CDKAL1: variants seen among roughly 807,000 people sequenced by gnomAD.
CDKAL1 encodes CDKAL1 threonylcarbamoyladenosine tRNA methylthiotransferase.
CDKAL1 carries 32 observed loss-of-function variants against 68.2 expected under a neutral mutation model. The observed-to-expected ratio is 0.47, with a 90% CI of 0.35 to 0.63. The LOEUF is 0.63. Among genes scored for constraint, CDKAL1 ranks in the 30% least tolerant of loss-of-function variants. The pLI is 0.00. For missense variants in CDKAL1, 606 were observed against 696.7 expected (o/e 0.87, Z 1.47); for synonymous variants, 234 against 244.3 (o/e 0.96, Z 0.39).
chr6:21,195,668 A>T (rs1238640723), intron 13 of CDKAL1, among the ~76,000 whole-genome samples: 1 of 150,698 alleles, frequency 6.6e-6, no homozygotes, highest in Non-Finnish European at 1.5e-5. Flanking sequence ...ACACCACCAC[A>T]CTCGGCTAAT....
chr6:21,165,158 C>T (rs1331296902), intron 13 of CDKAL1, among the ~76,000 whole-genome samples: 1 of 152,204 alleles, frequency 6.6e-6, no homozygotes, highest in Admixed American at 6.5e-5. Context: ...CTTCCTTAGC[C>T]CTTTCCTTCC....
chr6:21,112,670 A>ATTCATTGCTTCATATTCATATAT (rs1235138459), intron 13 of CDKAL1, among the ~76,000 whole-genome samples: 2 of 152,348 alleles, frequency 1.3e-5, no homozygotes, highest in East Asian at 3.9e-4. Flanking sequence ...CAACTGAACT[A>ATTCATTGCTTCATATTCATATAT]GAAGCAAATT....
chr6:20,844,764 T>C (rs1358692383), intron 8 of CDKAL1, among the ~76,000 whole-genome samples: 1 of 151,820 alleles, frequency 6.6e-6, no homozygotes, highest in Non-Finnish European at 1.5e-5. Flanking sequence ...CAGTAAGGGC[T>C]AAACAAAATT....
At chr6:20,824,906 G>T (rs1777438584) in intron 8 of CDKAL1, among the ~76,000 whole-genome samples, 1 of 152,184 alleles carries the variant, frequency 6.6e-6, no homozygotes, top group Non-Finnish European at 1.5e-5. Context: ...ATTCTTGACT[G>T]TTAAAATGGC....
At chr6:21,113,846 A>C (rs1562041919) in intron 13 of CDKAL1, among the ~76,000 whole-genome samples, 1 of 151,836 alleles carries the variant, frequency 6.6e-6, no homozygotes, top group African/African-American at 2.4e-5. Context: ...AGGCTGATGC[A>C]GGAGGATCTC....
chr6:20,703,504 CAA>C (rs1251662181), intron 5 of CDKAL1, among the ~76,000 whole-genome samples: 1 of 151,732 alleles, frequency 6.6e-6, no homozygotes, highest in East Asian at 1.9e-4. Context: ...CTGTTGAAAA[CAA>C]AGGGAATTTG....
intron 4 of CDKAL1, among the ~76,000 whole-genome samples, chr6:20,560,295 TTGACCCTTTCAGAGGCAGTA>T (rs1310350018): frequency 2.6e-5 from 4 of 152,204 alleles, no homozygotes; most frequent in Non-Finnish European, 5.9e-5. Flanking sequence ...ATTGGACAAA[TTGACCCTTTCAGAGGCAGTA>T]TGACCCTTTC....
chr6:20,866,606 C>T (rs2150532729), intron 9 of CDKAL1, among the ~76,000 whole-genome samples: 1 of 152,210 alleles, frequency 6.6e-6, no homozygotes, highest in South Asian at 2.1e-4. Context: ...ATTTTAAGGC[C>T]AGGAGTTAGT....
intron 4 of CDKAL1, among the ~76,000 whole-genome samples, chr6:20,638,520 C>A (rs544462177): frequency 6.6e-6 from 1 of 151,964 alleles, no homozygotes; most frequent in South Asian, 2.1e-4. Context: ...GTGGCTGGAT[C>A]GTGAAGGGCC....
intron 5 of CDKAL1, among the ~76,000 whole-genome samples, chr6:20,681,634 AT>A (rs1770379824): frequency 6.6e-6 from 1 of 152,040 alleles, no homozygotes; most frequent in Non-Finnish European, 1.5e-5. Flanking sequence ...AGCTGCTATA[AT>A]GTTAGTAGAT....
intron 9 of CDKAL1, among the ~76,000 whole-genome samples, chr6:20,954,221 C>T (rs180715818): frequency 9.9e-5 from 15 of 152,080 alleles, no homozygotes; most frequent in East Asian, 3.9e-4. Flanking sequence ...TTAAGAGGAG[C>T]GAAGATCTTT....
chr6:21,114,748 A>G (rs1774321201), intron 13 of CDKAL1, among the ~76,000 whole-genome samples: 1 of 152,194 alleles, frequency 6.6e-6, no homozygotes, highest in Admixed American at 6.5e-5. Flanking sequence ...CAAAAAAAGA[A>G]AAAAGAAAAG....
At chr6:21,180,803 T>C (rs536419100) in intron 13 of CDKAL1, among the ~76,000 whole-genome samples, 1 of 152,350 alleles carries the variant, frequency 6.6e-6, no homozygotes, top group South Asian at 2.1e-4. Flanking sequence ...TGTTTATATC[T>C]GAGTTTCATT....
chr6:20,802,595 T>G (rs901425666), intron 8 of CDKAL1, among the ~76,000 whole-genome samples: 1 of 152,104 alleles, frequency 6.6e-6, no homozygotes, highest in African/African-American at 2.4e-5. Flanking sequence ...TATAAGAACA[T>G]ATATATGTTC....
At chr6:20,722,566 C>A in intron 5 of CDKAL1, 1 of 296,230 alleles carries the variant, frequency 3.4e-6, no homozygotes, top group South Asian at 4.0e-5. Context: ...CACATAGAAT[C>A]CTTGTAGTAG....
intron 13 of CDKAL1, among the ~76,000 whole-genome samples, chr6:21,182,546 G>C (rs1438672397): frequency 6.6e-6 from 1 of 152,082 alleles, no homozygotes; most frequent in South Asian, 2.1e-4. Flanking sequence ...ATGTGTGTAT[G>C]GTTCTTAAAC....
chr6:20,604,709 C>A (rs1014100858), intron 4 of CDKAL1, among the ~76,000 whole-genome samples: 2 of 152,192 alleles, frequency 1.3e-5, no homozygotes, highest in Non-Finnish European at 2.9e-5. Context: ...TTACTGAATA[C>A]TCCTAATGCT....
chr6:21,100,826 C>A (rs1030979607), intron 12 of CDKAL1, among the ~76,000 whole-genome samples: 1 of 152,004 alleles, frequency 6.6e-6, no homozygotes, highest in Non-Finnish European at 1.5e-5. Flanking sequence ...TGAGTATTAT[C>A]ATCTTAGGGA....
chr6:20,541,211 C>T (rs1274221870), intron 2 of CDKAL1, among the ~76,000 whole-genome samples: 1 of 152,138 alleles, frequency 6.6e-6, no homozygotes, highest in Non-Finnish European at 1.5e-5. Flanking sequence ...TTTCACCCTA[C>T]CTGGATGGCT....
Sources: allele counts gnomAD v4.1 joint callset (sites outside exome capture counted in the v4.1 genomes callset), GRCh38; gene constraint gnomAD v4.1.1; transcripts MANE v1.5; gene names NCBI Gene and HGNC (gene_info 2026-07-23, HGNC 2026-07-21).